ABTB2: variants seen among roughly 807,000 people sequenced by gnomAD.
ABTB2 encodes ankyrin repeat and BTB/POZ domain-containing protein 2.
ABTB2 carries 56 observed loss-of-function variants against 104.1 expected under a neutral mutation model. The observed-to-expected ratio is 0.54, with a 90% CI of 0.43 to 0.67. The LOEUF is 0.67. Among genes scored for constraint, ABTB2 ranks in the 30% least tolerant of loss-of-function variants. The probability of loss-of-function intolerance (pLI) is 0.00; values close to 1 mark genes in which losing one functional copy is unlikely to be tolerated. For missense variants in ABTB2, 1,279 were observed against 1,407.7 expected, an observed-to-expected ratio of 0.91 and a Z score of 1.46; for synonymous variants, 606 against 608.2, an observed-to-expected ratio of 1.00 and a Z score of 0.05.
chr11:34,165,162 G>A (rs1852780604), intron 8 of ABTB2, 98 bp downstream of exon 8: 2 of 1,148,980 alleles, frequency 1.7e-6, no homozygotes, highest in South Asian at 3.1e-5. Context: ...GGGTCCGTGT[G>A]TGCTAAAGAG....
At chr11:34,223,569 C>G (rs1853652338) in intron 1 of ABTB2, among the ~76,000 whole-genome samples, 1 of 152,246 alleles carries the variant, frequency 6.6e-6, no homozygotes, top group African/African-American at 2.4e-5. Flanking sequence ...GGTGTTGCTC[C>G]TGCCTGGGTG....
chr11:34,174,307 AG>A (rs536342953), intron 3 of ABTB2, among the ~76,000 whole-genome samples: 1 of 145,880 alleles, frequency 6.9e-6, no homozygotes, highest in South Asian at 2.1e-4. Flanking sequence ...CCTGGGCGAC[AG>A]GGCGAGACTC....
chr11:34,262,046 C>A (rs1347209724), intron 1 of ABTB2, among the ~76,000 whole-genome samples: 2 of 152,206 alleles, frequency 1.3e-5, no homozygotes, highest in African/African-American at 4.8e-5. Flanking sequence ...AACAAGAAAA[C>A]AACACCGACT....
chr11:34,329,578 G>A (rs1855106171), intron 1 of ABTB2, among the ~76,000 whole-genome samples: 1 of 152,238 alleles, frequency 6.6e-6, no homozygotes, highest in Non-Finnish European at 1.5e-5. Flanking sequence ...GAGCCAACGA[G>A]ACTCAAGTCC....
intron 1 of ABTB2, among the ~76,000 whole-genome samples, chr11:34,277,961 C>A (rs1405699736): frequency 6.6e-6 from 1 of 151,538 alleles, no homozygotes; most frequent in Admixed American, 6.6e-5. Flanking sequence ...CCTGCCATCA[C>A]ACCTGGCTAA....
Position 34,357,435 on chromosome 11 carries a change from C to T in ABTB2, c.149G>A (p.Arg50His). 6.5e-7 allele frequency: 1 copy of T among 1,548,764 alleles called. No homozygotes were observed. The highest frequency in any genetic ancestry group is 8.7e-7 in the Non-Finnish European group (1 of 1,146,732). The change falls in exon 1 of 17, where the codon CGC becomes CAC. Residue 50 changes from arginine to histidine, a missense_variant. Coordinates refer to ENST00000435224, the MANE Select transcript of ABTB2 (RefSeq NM_145804.3). The part of the protein sequence containing the change: ...QALNSSAQQH[R>H]GAAWWCYSGS... ...GGAGTAGCACCACCAGGCCGCCCCGCGGTGCTGCTGCGCCGAAGAGTTGAG... is the reference window on the plus strand; with the variant it reads ...GGAGTAGCACCACCAGGCCGCCCCGTGGTGCTGCTGCGCCGAAGAGTTGAG...
rs760298525 is a variant in ABTB2 at position 34,152,355 on chromosome 11, G to T, written c.*32C>A. 6.5e-7 allele frequency: 1 copy of T among 1,541,422 alleles called. No individual in the cohort carries two copies. Among genetic ancestry groups the T allele is most frequent in the Non-Finnish European group, 8.7e-7 (1 of 1,143,082 alleles). On this transcript the variant is annotated 3_prime_UTR_variant, in exon 17 of 17. Coordinates refer to ENST00000435224, the MANE Select transcript of ABTB2 (RefSeq NM_145804.3). Reference sequence around the variant, plus strand: ...CATGGTGGGCCCTGGCACCTCCACAGGCCCTGGCCTCGGCAGCCTCCGCCC... The same window carrying T: ...CATGGTGGGCCCTGGCACCTCCACATGCCCTGGCCTCGGCAGCCTCCGCCC...
chr11:34,327,364 G>A (rs1855081844), intron 1 of ABTB2, among the ~76,000 whole-genome samples: 1 of 152,086 alleles, frequency 6.6e-6, no homozygotes, highest in Non-Finnish European at 1.5e-5. Flanking sequence ...ATATTTCTAG[G>A]GGAAAGGAGT....
At chr11:34,181,823 A>G (rs1853031521) in intron 3 of ABTB2, among the ~76,000 whole-genome samples, 1 of 152,198 alleles carries the variant, frequency 6.6e-6, no homozygotes, top group Non-Finnish European at 1.5e-5. Flanking sequence ...GCAAGAGATG[A>G]CGATCAAGGG....
chr11:34,239,551 G>A (rs1263829270), intron 1 of ABTB2, among the ~76,000 whole-genome samples: 3 of 151,834 alleles, frequency 2.0e-5, no homozygotes, highest in Non-Finnish European at 4.4e-5. Context: ...GACTGGTCTC[G>A]AACTCCTGAG....
At chr11:34,331,775 C>T (rs890855938) in intron 1 of ABTB2, among the ~76,000 whole-genome samples, 10 of 152,246 alleles carry the variant, frequency 6.6e-5, no homozygotes, top group Admixed American at 4.6e-4. Flanking sequence ...TTACATTGCA[C>T]GGGGTAGAAG....
intron 3 of ABTB2, among the ~76,000 whole-genome samples, chr11:34,194,240 G>C (rs1197065966): frequency 6.6e-6 from 1 of 152,172 alleles, no homozygotes; most frequent in Non-Finnish European, 1.5e-5. Context: ...CAGTAGAGGA[G>C]GTCACTTAAT....
intron 1 of ABTB2, among the ~76,000 whole-genome samples, chr11:34,218,609 G>A (rs1853575129): frequency 6.6e-6 from 1 of 152,032 alleles, no homozygotes; most frequent in Non-Finnish European, 1.5e-5. Flanking sequence ...CACCACTTTG[G>A]GAGGCTGAGG....
intron 1 of ABTB2, among the ~76,000 whole-genome samples, chr11:34,235,309 T>G (rs953103057): frequency 6.6e-6 from 1 of 152,212 alleles, no homozygotes; most frequent in Non-Finnish European, 1.5e-5. Context: ...ATGAATGCCA[T>G]CAGCCAAATA....
intron 14 of ABTB2, among the ~76,000 whole-genome samples, chr11:34,158,088 G>GTGTT (rs1852654226): frequency 6.6e-6 from 1 of 152,224 alleles, no homozygotes; most frequent in African/African-American, 2.4e-5. Flanking sequence ...GCCTGCCTAA[G>GTGTT]TGTTAGTAAT....
At chr11:34,339,349 C>T (rs1259626571) in intron 1 of ABTB2, among the ~76,000 whole-genome samples, 3 of 152,180 alleles carry the variant, frequency 2.0e-5, no homozygotes, top group Non-Finnish European at 4.4e-5. Flanking sequence ...TAGAGGTCAC[C>T]ACACCCCACT....
chr11:34,164,127 C>CCCCGCTTTTCCAGG (rs1852762900), intron 9 of ABTB2, among the ~76,000 whole-genome samples: 1 of 152,154 alleles, frequency 6.6e-6, no homozygotes, highest in South Asian at 2.1e-4. Flanking sequence ...GCTTTTCCAG[C>CCCCGCTTTTCCAGG]CCCGTTTCTG....
intron 1 of ABTB2, among the ~76,000 whole-genome samples, chr11:34,257,231 T>C (rs527932259): frequency 3.4e-4 from 52 of 151,414 alleles, no homozygotes; most frequent in African/African-American, 1.2e-3. Context: ...GTGGAAAAAA[T>C]GAAAAGAAAA....
chr11:34,265,673 A>C (rs1304853888), intron 1 of ABTB2, among the ~76,000 whole-genome samples: 2 of 149,172 alleles, frequency 1.3e-5, no homozygotes, highest in African/African-American at 4.9e-5. Flanking sequence ...AAAAAAAAAA[A>C]AAAAAAAAAA....
Sources: allele counts gnomAD v4.1 joint callset (sites outside exome capture counted in the v4.1 genomes callset), GRCh38; gene constraint gnomAD v4.1.1; transcripts MANE v1.5; gene names NCBI Gene and HGNC (gene_info 2026-07-23, HGNC 2026-07-21).